The following KCNC4 variants were observed in gnomAD, a reference collection of about 807,000 sequenced individuals.
KCNC4 encodes the protein voltage-gated potassium channel KCNC4.
Under a neutral mutation model 42.8 loss-of-function variants are expected in KCNC4, and 23 were observed. The observed-to-expected ratio is 0.54, with a 90% CI of 0.39 to 0.76. The LOEUF is 0.76. Among genes scored for constraint, KCNC4 ranks in the 30% least tolerant of loss-of-function variants. The probability of loss-of-function intolerance (pLI) is 0.00; values close to 1 mark genes in which losing one functional copy is unlikely to be tolerated. For synonymous variants in KCNC4, 422 were observed against 393.5 expected, an observed-to-expected ratio of 1.07 and a Z score of -0.86; for missense variants, 751 against 898.2, an observed-to-expected ratio of 0.84 and a Z score of 2.10.
chr1:110,256,491 A>C (rs1024162258), intron 1 of KCNC4, among the ~76,000 whole-genome samples: 1 of 152,202 alleles, frequency 6.6e-6, no homozygotes, highest in Non-Finnish European at 1.5e-5. Flanking sequence ...TCTTCTCATC[A>C]CCCGTAGCTC....
At position 110,215,044 on chromosome 1, in the gene KCNC4, G is replaced by T. The variant is rs562710907; in HGVS notation, c.678+2867G>T. On this transcript the variant is annotated intron_variant, in intron 1 of 3. Transcript: ENST00000438661. ...CCCTGGAAGGGCCCGCAGCACTGTG[G>T]GGTGGTGGGCGAAGAGGGAGAGAGG... is the stretch of plus-strand genomic sequence containing the variant. 2.0e-5 allele frequency among the ~76,000 whole-genome samples: 3 copies of T among 152,386 alleles called. No homozygotes were observed. In the East Asian group the frequency reaches 5.8e-4, roughly 29 times the overall value.
intron 1 of KCNC4, among the ~76,000 whole-genome samples, chr1:110,254,768 TG>T (rs1659302807): frequency 6.6e-6 from 1 of 152,228 alleles, no homozygotes; most frequent in Non-Finnish European, 1.5e-5. Context: ...AGCAGTCACC[TG>T]GTCTATCCCA....
At chr1:110,256,706 C>T (rs1479432485) in intron 1 of KCNC4, 1 of 153,306 alleles carries the variant, frequency 6.5e-6, no homozygotes, top group Non-Finnish European at 1.5e-5. Flanking sequence ...AAAGACAAGT[C>T]TGCAGTGGAC....
At chr1:110,232,326 C>T (rs140409722) in intron 3 of KCNC4, 162 of 1,610,634 alleles carry the variant, frequency 1.0e-4, no homozygotes, top group Admixed American at 2.7e-4. Context: ...GGGCTGGGCA[C>T]GACATGGCAT....
At chr1:110,222,783 C>A in intron 1 of KCNC4, 181 bp from the exon 2 acceptor site, 1 of 584,464 alleles carries the variant, frequency 1.7e-6, no homozygotes. Flanking sequence ...GCCCGAGAGC[C>A]CCCAAGCATA....
At chr1:110,217,523 A>G (rs892839606) in intron 1 of KCNC4, among the ~76,000 whole-genome samples, 3 of 152,196 alleles carry the variant, frequency 2.0e-5, no homozygotes, top group Admixed American at 6.5e-5. Flanking sequence ...TGGGTGGGCA[A>G]TAACCAGGAA....
intron 3 of KCNC4, among the ~76,000 whole-genome samples, chr1:110,228,082 T>G (rs978063903): frequency 1.3e-5 from 2 of 152,112 alleles, no homozygotes; most frequent in African/African-American, 2.4e-5. Context: ...ATTGCCAAAC[T>G]CCCAATGCAC....
chr1:110,214,401 T>G (rs1417219888), intron 1 of KCNC4, among the ~76,000 whole-genome samples: 4 of 152,182 alleles, frequency 2.6e-5, no homozygotes, highest in Non-Finnish European at 5.9e-5. Flanking sequence ...ACTTGCCTCC[T>G]GCTCAGGAGC....
intron 1 of KCNC4, among the ~76,000 whole-genome samples, chr1:110,281,411 A>G (rs1445437261): frequency 6.6e-6 from 1 of 151,050 alleles, no homozygotes; most frequent in East Asian, 2.0e-4. Flanking sequence ...GGGGGCTCCC[A>G]CTCCTCTCTT....
intron 1 of KCNC4, among the ~76,000 whole-genome samples, chr1:110,213,201 C>T (rs1239027468): frequency 1.3e-5 from 1 of 79,302 alleles, no homozygotes; most frequent in Admixed American, 1.1e-4. Flanking sequence ...AAAAAAATCC[C>T]TGAAGGATGG....
chr1:110,272,866 G>A (rs1386239404), intron 1 of KCNC4, among the ~76,000 whole-genome samples: 2 of 152,136 alleles, frequency 1.3e-5, no homozygotes, highest in Non-Finnish European at 2.9e-5. Context: ...ATTTTGGTTT[G>A]CTTTTCTGTC....
At chr1:110,232,408 C>T (rs1658741112) in intron 3 of KCNC4, 4 of 1,522,358 alleles carry the variant, frequency 2.6e-6, no homozygotes, top group South Asian at 1.2e-5. Context: ...GCAGATGGAG[C>T]TACTTGGGGG....
At chr1:110,256,790 A>T in intron 1 of KCNC4, 1 of 156,238 alleles carries the variant, frequency 6.4e-6, no homozygotes. Flanking sequence ...GTTGCAGTCC[A>T]ACTGTGTGGT....
intron 1 of KCNC4, among the ~76,000 whole-genome samples, chr1:110,212,832 A>G (rs1026610023): frequency 1.3e-5 from 2 of 152,120 alleles, no homozygotes; most frequent in African/African-American, 4.8e-5. Flanking sequence ...CACACCTGGG[A>G]TGTCCTGGCC....
At chr1:110,268,296 G>A (rs553793238) in intron 1 of KCNC4, among the ~76,000 whole-genome samples, 3 of 152,318 alleles carry the variant, frequency 2.0e-5, no homozygotes, top group Admixed American at 1.3e-4. Flanking sequence ...CCCCCTGGCT[G>A]CCAGAGTGCC....
chr1:110,250,504 C>T (rs1268061372), downstream of KCNC4, among the ~76,000 whole-genome samples: 1 of 152,098 alleles, frequency 6.6e-6, no homozygotes, highest in African/African-American at 2.4e-5. Context: ...TTAGAAACTC[C>T]CAGGAAAAAA....
At chr1:110,268,804 T>A (rs1464321839) in intron 1 of KCNC4, among the ~76,000 whole-genome samples, 1 of 149,516 alleles carries the variant, frequency 6.7e-6, no homozygotes, top group Non-Finnish European at 1.5e-5. Context: ...CTCGGCTCAC[T>A]GCAAGCTCCG....
intron 1 of KCNC4, among the ~76,000 whole-genome samples, chr1:110,213,697 C>A (rs1657629815): frequency 6.6e-6 from 1 of 152,192 alleles, no homozygotes; most frequent in African/African-American, 2.4e-5. Context: ...CTGAGACTGG[C>A]TAAGAAGGTG....
intron 3 of KCNC4, among the ~76,000 whole-genome samples, chr1:110,230,428 G>T (rs542558187): frequency 7.8e-4 from 119 of 152,322 alleles, no homozygotes; most frequent in African/African-American, 2.7e-3. Flanking sequence ...GGGACACAAC[G>T]AGCCGGGTGT....
Sources: allele counts gnomAD v4.1 joint callset (sites outside exome capture counted in the v4.1 genomes callset), GRCh38; gene constraint gnomAD v4.1.1; transcripts MANE v1.5; gene names NCBI Gene and HGNC (gene_info 2026-07-23, HGNC 2026-07-21).